Variants in COP1 observed in about 807,000 individuals in gnomAD.
COP1 encodes COP1 E3 ubiquitin ligase.
A neutral mutation model predicts 101.3 loss-of-function variants in COP1; 24 were observed. That is an observed-to-expected ratio of 0.24 (90% confidence interval 0.17 to 0.33). The LOEUF is 0.33. Ranked by LOEUF, COP1 falls within the 10% of genes least tolerant of loss-of-function variation. The probability of loss-of-function intolerance (pLI) is 1.00; values close to 1 mark genes in which losing one functional copy is unlikely to be tolerated. For synonymous variants in COP1, 347 were observed against 341.9 expected (o/e 1.01, Z -0.17); for missense variants, 663 against 906.2 (o/e 0.73, Z 3.45).
chr1:176,026,217 G>C (rs748535799), intron 15 of COP1, among the ~76,000 whole-genome samples: 9 of 151,912 alleles, frequency 5.9e-5, no homozygotes, highest in Non-Finnish European at 1.2e-4. Flanking sequence ...TCTGGCATTG[G>C]TACAAATTAA....
At chr1:176,036,557 T>G (rs779875429) in intron 14 of COP1, among the ~76,000 whole-genome samples, 2 of 148,618 alleles carry the variant, frequency 1.3e-5, no homozygotes, top group South Asian at 2.1e-4. Flanking sequence ...GATATGAGTA[T>G]ATTACAAATA....
In COP1 at chr1:176,082,164, A is replaced by G. The variant is rs140230954; in HGVS notation, c.1142-877T>C. On this transcript the variant is annotated intron_variant, in intron 10 of 19. Coordinates refer to ENST00000367669, the MANE Select transcript of COP1 (RefSeq NM_022457.7). ...CTTTTCAGCACTGTGTCGTTTGAACATATACTTTCCTTTCTGAAGAATGAA... is the reference window on the plus strand; with the variant it reads ...CTTTTCAGCACTGTGTCGTTTGAACGTATACTTTCCTTTCTGAAGAATGAA... 2.6e-3 allele frequency among the ~76,000 whole-genome samples: 400 copies of G among 152,336 alleles called. 3 individuals are homozygous for G. The highest frequency in any genetic ancestry group is 9.2e-3 in the African/African-American group (382 of 41,584).
chr1:175,947,664 C>T (rs1649359322), intron 18 of COP1, among the ~76,000 whole-genome samples: 1 of 152,070 alleles, frequency 6.6e-6, no homozygotes, highest in Non-Finnish European at 1.5e-5. Flanking sequence ...GCCACTGTGC[C>T]CAGTCGAAGA....
At chr1:176,100,539 T>C (rs1683228941) in intron 9 of COP1, among the ~76,000 whole-genome samples, 1 of 152,188 alleles carries the variant, frequency 6.6e-6, no homozygotes, top group African/African-American at 2.4e-5. Flanking sequence ...AACCAAACAG[T>C]AGTTTCCAGC....
chr1:176,151,405 GAA>G (rs1692554753), intron 5 of COP1, among the ~76,000 whole-genome samples: 1 of 131,490 alleles, frequency 7.6e-6, no homozygotes, highest in African/African-American at 2.6e-5. Flanking sequence ...AAGAAAGAAA[GAA>G]AGAAAGAAAG....
At chr1:176,000,173 T>C (rs1661235068) in intron 15 of COP1, among the ~76,000 whole-genome samples, 1 of 152,112 alleles carries the variant, frequency 6.6e-6, no homozygotes, top group Non-Finnish European at 1.5e-5. Flanking sequence ...AAAGAAATTT[T>C]TGCTTAGACC....
chr1:176,049,236 T>C (rs1672113582), intron 11 of COP1, among the ~76,000 whole-genome samples: 1 of 151,770 alleles, frequency 6.6e-6, no homozygotes, highest in Non-Finnish European at 1.5e-5. Context: ...ATGTCTATTA[T>C]TTCTTCTGCT....
chr1:175,965,796 C>G (rs1651948671), intron 18 of COP1, among the ~76,000 whole-genome samples: 1 of 152,052 alleles, frequency 6.6e-6, no homozygotes, highest in South Asian at 2.1e-4. Flanking sequence ...GTTGGTCAGG[C>G]TGGTCTCGAA....
chr1:176,073,719 T>C (rs530995532), intron 11 of COP1, among the ~76,000 whole-genome samples: 1 of 152,274 alleles, frequency 6.6e-6, no homozygotes, highest in East Asian at 1.9e-4. Context: ...ACTGTCAAAG[T>C]AAACAAATGC....
At chr1:176,179,268 C>G (rs563136156) in intron 2 of COP1, among the ~76,000 whole-genome samples, 1 of 143,922 alleles carries the variant, frequency 6.9e-6, no homozygotes. Context: ...CCAGCCTGGG[C>G]GACAAAGTGA....
intron 11 of COP1, among the ~76,000 whole-genome samples, chr1:176,069,764 C>T (rs1000510842): frequency 6.6e-6 from 1 of 152,176 alleles, no homozygotes; most frequent in East Asian, 1.9e-4. Context: ...AAGGCAGCAG[C>T]CTCCCTTCTA....
chr1:176,090,040 T>C (rs1680984729), intron 9 of COP1, among the ~76,000 whole-genome samples: 1 of 152,050 alleles, frequency 6.6e-6, no homozygotes, highest in Non-Finnish European at 1.5e-5. Flanking sequence ...TAGCCACCTA[T>C]GAGACTTCAT....
intron 11 of COP1, among the ~76,000 whole-genome samples, chr1:176,053,600 C>T (rs897917964): frequency 1.3e-5 from 2 of 152,138 alleles, no homozygotes; most frequent in African/African-American, 4.8e-5. Context: ...TGACCACACC[C>T]TAAACACTTT....
intron 15 of COP1, among the ~76,000 whole-genome samples, chr1:176,008,189 G>A (rs566042541): frequency 3.9e-5 from 6 of 152,284 alleles, no homozygotes; most frequent in South Asian, 2.1e-4. Flanking sequence ...GCAATGCCTC[G>A]CCCTGCATCA....
At chr1:176,069,157 C>A (rs1676531952) in intron 11 of COP1, among the ~76,000 whole-genome samples, 1 of 151,666 alleles carries the variant, frequency 6.6e-6, no homozygotes, top group African/African-American at 2.4e-5. Context: ...TGCACTCCAG[C>A]CTGAGCAACA....
At chr1:175,999,635 G>A (rs902835601) in intron 15 of COP1, among the ~76,000 whole-genome samples, 6 of 152,020 alleles carry the variant, frequency 3.9e-5, no homozygotes, top group African/African-American at 9.7e-5. Context: ...CCAGCAGTGG[G>A]ACTGCTGGGT....
intron 6 of COP1, among the ~76,000 whole-genome samples, chr1:176,144,745 A>G (rs1311526419): frequency 1.3e-5 from 2 of 152,176 alleles, no homozygotes. Context: ...CACATGATAT[A>G]TGACAAAGGT....
chr1:176,137,679 T>C (rs1055674505), intron 6 of COP1, among the ~76,000 whole-genome samples: 1 of 152,212 alleles, frequency 6.6e-6, no homozygotes, highest in African/African-American at 2.4e-5. Context: ...TTCATGCTTT[T>C]AACTACTATT....
intron 15 of COP1, among the ~76,000 whole-genome samples, chr1:175,998,063 TAAAA>T (rs57110017): frequency 0.18 from 12,110 of 67,224 alleles, 427 homozygotes; most frequent in East Asian, 0.38. Context: ...AGAGTATAAT[TAAAA>T]AAAAAAAAAA....
Sources: gnomAD v4.1 joint callset for allele counts (sites outside exome capture counted in the v4.1 genomes callset) on GRCh38, gnomAD v4.1.1 for gene constraint, MANE v1.5 for transcripts, NCBI Gene and HGNC (gene_info 2026-07-23, HGNC 2026-07-21) for gene names.